Variants in MGMT observed in about 807,000 individuals in gnomAD.
MGMT encodes O-6-methylguanine-DNA methyltransferase, also known as methylated-DNA--protein-cysteine methyltransferase.
Under a neutral mutation model 15.9 loss-of-function variants are expected in MGMT, and 14 were observed. The observed-to-expected ratio is 0.88, with a 90% CI of 0.58 to 1.37. The LOEUF is 1.37. MGMT is among the 40% of genes most tolerant of loss of function. The pLI is 0.00. For synonymous variants in MGMT, 130 were observed against 118.2 expected, an observed-to-expected ratio of 1.10 and a Z score of -0.65; for missense variants, 282 against 268.1, an observed-to-expected ratio of 1.05 and a Z score of -0.36.
intron 2 of MGMT, among the ~76,000 whole-genome samples, chr10:129,637,440 G>GT (rs1271592136): frequency 6.6e-6 from 1 of 152,160 alleles, no homozygotes; most frequent in Non-Finnish European, 1.5e-5. Context: ...GCTGGTTTCT[G>GT]TTTTTAATTT....
At chr10:129,647,349 G>A (rs1211666015) in intron 2 of MGMT, among the ~76,000 whole-genome samples, 3 of 152,134 alleles carry the variant, frequency 2.0e-5, no homozygotes, top group African/African-American at 4.8e-5. Context: ...CAAGAAATAC[G>A]TTAAATGCAT....
In MGMT at chr10:129,625,665, C is replaced by G. The variant is rs114755026; in HGVS notation, c.126-82230C>G. On this transcript the variant is annotated intron_variant, in intron 2 of 4. Coordinates refer to ENST00000651593, the MANE Select transcript of MGMT (RefSeq NM_002412.5). ...AACATCCATTCACGATGAAAATGCA[C>G]TGCAAAGTAAGAATATAAAGGAAAT... Among the ~76,000 whole-genome samples, 402 of 152,330 alleles carry G rather than the reference C, an allele frequency of 2.6e-3. 2 individuals are homozygous for G. Among genetic ancestry groups the G allele is most frequent in the African/African-American group, 9.2e-3 (381 of 41,578 alleles).
At chr10:129,673,867 T>G (rs749144534) in intron 2 of MGMT, among the ~76,000 whole-genome samples, 7 of 152,214 alleles carry the variant, frequency 4.6e-5, no homozygotes, top group Non-Finnish European at 1.0e-4. Context: ...AAGTCTGCCT[T>G]TCTACCTTTC....
chr10:129,748,483 T>G (rs80207195), intron 3 of MGMT, among the ~76,000 whole-genome samples: 1 of 152,148 alleles, frequency 6.6e-6, no homozygotes, highest in Non-Finnish European at 1.5e-5. Context: ...GCTCATCTTG[T>G]GTATTTCCTG....
Position 129,521,682 on chromosome 10 carries a change from A to G in MGMT, c.-12-14559A>G, listed in dbSNP as rs542692493. On this transcript the variant is annotated intron_variant, in intron 1 of 4. Coordinates refer to ENST00000651593, the MANE Select transcript of MGMT (RefSeq NM_002412.5). ...ACCAGAGCTGCTGGAGGGAGCGTCT[A>G]CCTGCTGGGGTCAGGGGGTCTCCAT... Among the ~76,000 whole-genome samples the G allele has an allele frequency of 4.6e-5, 7 of 152,214 alleles. No individual in the cohort carries two copies. The East Asian group carries it at 7.7e-4, about 17-fold the overall frequency.
intron 3 of MGMT, among the ~76,000 whole-genome samples, chr10:129,731,787 T>C (rs1426622594): frequency 6.6e-6 from 1 of 152,198 alleles, no homozygotes; most frequent in Non-Finnish European, 1.5e-5. Flanking sequence ...AAATGAGTTT[T>C]CCAAGACAGA....
chr10:129,743,552 A>G (rs920102018), intron 3 of MGMT, among the ~76,000 whole-genome samples: 6 of 152,034 alleles, frequency 3.9e-5, no homozygotes, highest in Non-Finnish European at 8.8e-5. Context: ...TTGTCCGCAC[A>G]CTCATTCCCT....
At chr10:129,575,686 G>A (rs565932901) in intron 2 of MGMT, among the ~76,000 whole-genome samples, 2 of 150,804 alleles carry the variant, frequency 1.3e-5, no homozygotes, top group East Asian at 1.9e-4. Flanking sequence ...ACTAAGATCA[G>A]AGCAGAACTG....
intron 1 of MGMT, among the ~76,000 whole-genome samples, chr10:129,530,500 A>G (rs1287841208): frequency 6.6e-6 from 1 of 152,092 alleles, no homozygotes; most frequent in Non-Finnish European, 1.5e-5. Context: ...GGCATTGGTT[A>G]AACGTCTCTT....
intron 3 of MGMT, chr10:129,715,601 A>G (rs1002203616): frequency 1.3e-5 from 2 of 152,338 alleles, no homozygotes; most frequent in African/African-American, 2.4e-5. Context: ...TTCATGTTTT[A>G]CAGGTAATGT....
At chr10:129,638,106 G>A (rs1246366859) in intron 2 of MGMT, among the ~76,000 whole-genome samples, 1 of 152,142 alleles carries the variant, frequency 6.6e-6, no homozygotes, top group Non-Finnish European at 1.5e-5. Flanking sequence ...CATATGCTCA[G>A]GATTCCTGCT....
chr10:129,523,615 A>C (rs547747197), intron 1 of MGMT, among the ~76,000 whole-genome samples: 2 of 152,166 alleles, frequency 1.3e-5, no homozygotes, highest in Non-Finnish European at 2.9e-5. Flanking sequence ...GGTTCCCTCC[A>C]CCGTGGAATC....
chr10:129,564,454 CTCCCCTTCCTGTCTT>C (rs1322217851), intron 2 of MGMT, among the ~76,000 whole-genome samples: 4 of 86,604 alleles, frequency 4.6e-5, no homozygotes, highest in Non-Finnish European at 9.1e-5. Flanking sequence ...CTTCCTCTCT[CTCCCCTTCCTGTCTT>C]TCCCCTTCCT....
chr10:129,485,596 C>T (rs73378878), intron 1 of MGMT, among the ~76,000 whole-genome samples: 8,720 of 152,266 alleles, frequency 0.057, 841 homozygotes, highest in African/African-American at 0.2. Flanking sequence ...CTTATTGGAG[C>T]ATTTTGGATT....
At chr10:129,724,069 G>A (rs1220263999) in intron 3 of MGMT, among the ~76,000 whole-genome samples, 1 of 152,192 alleles carries the variant, frequency 6.6e-6, no homozygotes, top group Non-Finnish European at 1.5e-5. Flanking sequence ...ACGTATTCAA[G>A]AGTGTTCACA....
intron 2 of MGMT, among the ~76,000 whole-genome samples, chr10:129,656,794 A>C (rs932884438): frequency 2.0e-5 from 3 of 152,066 alleles, no homozygotes; most frequent in African/African-American, 4.8e-5. Flanking sequence ...GAGCAGAGGG[A>C]TGACTGAATA....
chr10:129,656,720 T>G (rs1280318183), intron 2 of MGMT, among the ~76,000 whole-genome samples: 4 of 152,140 alleles, frequency 2.6e-5, no homozygotes, highest in Non-Finnish European at 5.9e-5. Flanking sequence ...GAGAGTCAAG[T>G]GGTTGCACCG....
intron 2 of MGMT, among the ~76,000 whole-genome samples, chr10:129,686,573 T>TCCTGTTGGCCAGGG (rs11274405): frequency 1.3e-5 from 2 of 151,624 alleles, no homozygotes; most frequent in African/African-American, 4.9e-5. Flanking sequence ...TGGGGTTTTC[T>TCCTGTTGGCCAGGG]GCTGCTCTCA....
At chr10:129,624,506 G>C (rs1847124587) in intron 2 of MGMT, among the ~76,000 whole-genome samples, 1 of 152,196 alleles carries the variant, frequency 6.6e-6, no homozygotes, top group Non-Finnish European at 1.5e-5. Context: ...TACATTAGGG[G>C]AATAGATTGT....
Sources: allele counts gnomAD v4.1 joint callset (sites outside exome capture counted in the v4.1 genomes callset), GRCh38; gene constraint gnomAD v4.1.1; transcripts MANE v1.5; gene names NCBI Gene and HGNC (gene_info 2026-07-23, HGNC 2026-07-21).